EYS: variants seen among roughly 807,000 people sequenced by gnomAD.
EYS encodes EGF-like photoreceptor maintenance factor, also known as protein eyes shut homolog.
In EYS, 250 loss-of-function variants were observed where a neutral mutation model predicts 282.1. The ratio of observed to expected loss-of-function variants is 0.89; its 90% confidence interval spans 0.80 to 0.98. EYS has a LOEUF of 0.98. EYS is among the 50% of genes least tolerant of loss of function. The pLI is 0.00. For missense variants in EYS, 4,016 were observed against 3,709.0 expected (o/e 1.08, Z -2.15); for synonymous variants, 1,355 against 1,282.9 (o/e 1.06, Z -1.20).
At chr6:65,677,702 T>C (rs1340247116) in intron 1 of EYS, among the ~76,000 whole-genome samples, 3 of 151,840 alleles carry the variant, frequency 2.0e-5, no homozygotes, top group Non-Finnish European at 2.9e-5. Context: ...ATAGACAAAA[T>C]AATCCTAAAA....
intron 8 of EYS, among the ~76,000 whole-genome samples, chr6:65,376,294 A>G (rs1169416769): frequency 6.6e-6 from 1 of 152,196 alleles, no homozygotes; most frequent in African/African-American, 2.4e-5. Flanking sequence ...TAAGTGGAGG[A>G]GAAATAAAAT....
chr6:64,320,463 G>A (rs1770173510), intron 29 of EYS, among the ~76,000 whole-genome samples: 1 of 151,316 alleles, frequency 6.6e-6, no homozygotes, highest in Non-Finnish European at 1.5e-5. Context: ...GTAATATATT[G>A]TTAAACAAAC....
chr6:63,885,947 C>T (rs1773251653), intron 35 of EYS, among the ~76,000 whole-genome samples: 3 of 152,202 alleles, frequency 2.0e-5, no homozygotes, highest in African/African-American at 7.2e-5. Flanking sequence ...ATTTGTTGAA[C>T]AATAAACGAC....
chr6:64,498,588 G>A (rs1776954540), intron 26 of EYS, among the ~76,000 whole-genome samples: 1 of 151,886 alleles, frequency 6.6e-6, no homozygotes, highest in African/African-American at 2.4e-5. Flanking sequence ...GGCCCCACAT[G>A]CGTTAGGTAT....
At chr6:64,959,194 T>C (rs1296882837) in intron 14 of EYS, among the ~76,000 whole-genome samples, 1 of 152,160 alleles carries the variant, frequency 6.6e-6, no homozygotes, top group Non-Finnish European at 1.5e-5. Context: ...ATTTCGAATA[T>C]CCCTGTCATC....
intron 23 of EYS, 70 bp downstream of exon 23, chr6:64,626,051 T>A: frequency 1.1e-6 from 1 of 914,754 alleles, no homozygotes; most frequent in South Asian, 1.7e-5. Flanking sequence ...TACATACATG[T>A]CCATATACAT....
chr6:65,013,905 T>C (rs1771960088), intron 13 of EYS, among the ~76,000 whole-genome samples: 1 of 152,138 alleles, frequency 6.6e-6, no homozygotes, highest in East Asian at 1.9e-4. Flanking sequence ...TGAATATGAT[T>C]GAATGTCACT....
intron 31 of EYS, among the ~76,000 whole-genome samples, chr6:64,114,771 C>T (rs1773318716): frequency 6.6e-6 from 1 of 152,200 alleles, no homozygotes; most frequent in Non-Finnish European, 1.5e-5. Context: ...GCATGGACCC[C>T]AGTGCCTGTT....
chr6:63,724,378 T>C (rs1191449033), intron 42 of EYS, among the ~76,000 whole-genome samples: 1 of 152,180 alleles, frequency 6.6e-6, no homozygotes, highest in Non-Finnish European at 1.5e-5. Context: ...TATACATTTT[T>C]TTCTGTAGAA....
intron 12 of EYS, among the ~76,000 whole-genome samples, chr6:65,201,891 T>G (rs760579604): frequency 7.9e-5 from 12 of 152,092 alleles, no homozygotes; most frequent in Non-Finnish European, 1.3e-4. Flanking sequence ...GGCAGGTACA[T>G]CATTTGAGGC....
intron 29 of EYS, among the ~76,000 whole-genome samples, chr6:64,310,894 T>A (rs146353040): frequency 0.016 from 2,381 of 152,246 alleles, 20 homozygotes; most frequent in South Asian, 0.034. Flanking sequence ...TATAAAAGTA[T>A]AATTTAAAAG....
chr6:64,627,557 A>T (rs928019979), intron 22 of EYS, among the ~76,000 whole-genome samples: 12 of 152,236 alleles, frequency 7.9e-5, no homozygotes, highest in African/African-American at 2.9e-4. Flanking sequence ...AATTTGCAAA[A>T]GTAGAATTTA....
chr6:63,872,477 GTTTTTTTT>G (rs3041455), intron 35 of EYS, among the ~76,000 whole-genome samples: 2 of 119,398 alleles, frequency 1.7e-5, no homozygotes, highest in Non-Finnish European at 3.2e-5. Context: ...CCTAAATATG[GTTTTTTTT>G]TTTTTTTTTT....
At chr6:65,034,928 G>C (rs993258603) in intron 13 of EYS, among the ~76,000 whole-genome samples, 1 of 151,854 alleles carries the variant, frequency 6.6e-6, no homozygotes, top group African/African-American at 2.4e-5. Context: ...AATTTAGACC[G>C]ATATCTCTGA....
chr6:64,092,737 T>C (rs1036295601), intron 31 of EYS, among the ~76,000 whole-genome samples: 1 of 151,874 alleles, frequency 6.6e-6, no homozygotes, highest in Non-Finnish European at 1.5e-5. Context: ...TCTTTTGCTG[T>C]GCAGAAGCTC....
chr6:65,238,233 G>T lies in EYS; in HGVS notation c.2023+57630C>A, dbSNP rs1766974034. On this transcript the variant is annotated intron_variant, in intron 12 of 42. Coordinates refer to ENST00000503581, the MANE Select transcript of EYS (RefSeq NM_001142800.2). ...TTATGTAAAGATAATTGCCAAACAAGGTATATAATCCTTTTAAAAATATAA... is the reference window on the plus strand; with the variant it reads ...TTATGTAAAGATAATTGCCAAACAATGTATATAATCCTTTTAAAAATATAA... Among the ~76,000 whole-genome samples, 3 of 149,778 alleles carry T rather than the reference G, an allele frequency of 2.0e-5. No individual in the cohort carries two copies. The Admixed American group carries it at 2.0e-4, about 10-fold the overall frequency.
At chr6:64,033,371 T>C (rs908263446) in intron 33 of EYS, among the ~76,000 whole-genome samples, 1 of 152,278 alleles carries the variant, frequency 6.6e-6, no homozygotes, top group African/African-American at 2.4e-5. Flanking sequence ...CTGAAAAGAC[T>C]TTTTCAAGAG....
At chr6:65,407,552 C>A (rs895696166) in intron 5 of EYS, among the ~76,000 whole-genome samples, 3 of 152,024 alleles carry the variant, frequency 2.0e-5, no homozygotes, top group African/African-American at 4.8e-5. Context: ...CTATGCCCGG[C>A]CTTGAAGTAT....
intron 30 of EYS, among the ~76,000 whole-genome samples, chr6:64,302,595 C>T (rs761494092): frequency 6.6e-5 from 10 of 151,984 alleles, no homozygotes; most frequent in South Asian, 4.2e-4. Flanking sequence ...TTTTGTCACA[C>T]GTGGAATATC....
Sources: allele counts gnomAD v4.1 joint callset (sites outside exome capture counted in the v4.1 genomes callset), GRCh38; gene constraint gnomAD v4.1.1; transcripts MANE v1.5; gene names NCBI Gene and HGNC (gene_info 2026-07-23, HGNC 2026-07-21).